Variants in CFAP54 observed in about 807,000 individuals in gnomAD.
CFAP54 encodes the protein cilia- and flagella-associated protein 54.
In CFAP54, 290 loss-of-function variants were observed where a neutral mutation model predicts 370.4. The ratio of observed to expected loss-of-function variants is 0.78; its 90% CI spans 0.71 to 0.86. CFAP54 has a LOEUF of 0.86. Ranked by LOEUF, CFAP54 falls within the 40% of genes least tolerant of loss-of-function variation. The probability of loss-of-function intolerance (pLI) is 0.00; values close to 1 mark genes in which losing one functional copy is unlikely to be tolerated. For missense variants in CFAP54, 3,399 were observed against 3,528.7 expected, an observed-to-expected ratio of 0.96 and a Z score of 0.93; for synonymous variants, 1,206 against 1,236.5, an observed-to-expected ratio of 0.98 and a Z score of 0.52.
intron 48 of CFAP54, among the ~76,000 whole-genome samples, chr12:96,711,289 C>A (rs918060260): frequency 2.0e-5 from 3 of 151,396 alleles, no homozygotes; most frequent in South Asian, 2.1e-4. Context: ...TAATTTGAGT[C>A]TTCTCCCTTT....
chr12:96,666,415 C>T (rs1258966756), intron 39 of CFAP54, among the ~76,000 whole-genome samples: 5 of 152,170 alleles, frequency 3.3e-5, no homozygotes, highest in Non-Finnish European at 7.3e-5. Flanking sequence ...AGTTCTCATG[C>T]TGCTCATAAA....
At chr12:96,603,557 A>C (rs1338613700) in intron 26 of CFAP54, among the ~76,000 whole-genome samples, 3 of 152,216 alleles carry the variant, frequency 2.0e-5, no homozygotes, top group Non-Finnish European at 4.4e-5. Flanking sequence ...GTGTTTTCCA[A>C]CTTCGTTCCA....
At chr12:96,509,684 T>C (rs1004355448) in intron 4 of CFAP54, among the ~76,000 whole-genome samples, 1 of 151,398 alleles carries the variant, frequency 6.6e-6, no homozygotes, top group African/African-American at 2.4e-5. Context: ...GGTGTGGTGG[T>C]GCATGCCTGT....
chr12:96,495,637 A>T (rs1954943913), intron 1 of CFAP54, among the ~76,000 whole-genome samples: 1 of 151,906 alleles, frequency 6.6e-6, no homozygotes, highest in Non-Finnish European at 1.5e-5. Context: ...CTGTTTTAGA[A>T]CATTTTACAT....
Position 96,621,622 on chromosome 12 carries a change from A to G in CFAP54, c.3672A>G (p.Ala1224=). The G allele has an allele frequency of 6.6e-7, 1 of 1,507,402 alleles. No individual in the cohort carries two copies. Among genetic ancestry groups the G allele is most frequent in the Non-Finnish European group, 8.9e-7 (1 of 1,124,316 alleles). 93.4% of individuals were successfully genotyped at this position (1,507,402 alleles called of 1,614,324 possible). The change falls in exon 27 of 68, where the codon GCA becomes GCG. Residue 1224 remains alanine (A), a synonymous_variant. Coordinates refer to ENST00000524981, the MANE Select transcript of CFAP54 (RefSeq NM_001306084.2). ...ILRSWREYDL[A]VMIINYGKKM... Reference sequence around the variant, plus strand: ...GTTCATGGAGGGAATATGACCTGGCAGTAATGATTATAAATTATGGGAAAA... The same window carrying G: ...GTTCATGGAGGGAATATGACCTGGCGGTAATGATTATAAATTATGGGAAAA...
chr12:96,495,462 A>G (rs1371459920), intron 1 of CFAP54, among the ~76,000 whole-genome samples: 1 of 148,904 alleles, frequency 6.7e-6, no homozygotes, highest in Non-Finnish European at 1.5e-5. Context: ...CTATAGGTGC[A>G]TGTCACCACG....
In CFAP54 at chr12:96,580,592, G is replaced by A. The variant is rs958470396; in HGVS notation, c.2797-5G>A. 2.0e-5 allele frequency: 29 copies of A among 1,473,204 alleles called. No homozygotes were observed. Among genetic ancestry groups the A allele is most frequent in the African/African-American group, 1.7e-4 (12 of 70,502 alleles). The allele number at this position is 1,473,204 out of a possible 1,614,324, so 91.3% of individuals were successfully genotyped here. On this transcript the variant is annotated splice_region_variant and splice_polypyrimidine_tract_variant and intron_variant, in intron 20 of 67. Coordinates refer to ENST00000524981, the MANE Select transcript of CFAP54 (RefSeq NM_001306084.2). The stretch of plus-strand genomic sequence containing the variant: ...TTTAAACAGGCTCATTTTTCTCGTC[G>A]GCAGGTCTCCTGGTACTGCATTTTG...
chr12:96,494,007 C>T (rs945632509), intron 1 of CFAP54, among the ~76,000 whole-genome samples: 9 of 152,082 alleles, frequency 5.9e-5, no homozygotes, highest in African/African-American at 1.7e-4. Flanking sequence ...GACTTGCTTT[C>T]GAATGATTGG....
At chr12:96,838,320 C>T (rs182252512) in intron 66 of CFAP54, among the ~76,000 whole-genome samples, 210 of 152,034 alleles carry the variant, frequency 1.4e-3, no homozygotes, top group Non-Finnish European at 1.1e-3. Flanking sequence ...AAAGTCAACT[C>T]AGTTTACAAG....
At chr12:96,503,802 T>C in intron 2 of CFAP54, 84 bp from the exon 3 acceptor site, 1 of 1,185,854 alleles carries the variant, frequency 8.4e-7, no homozygotes, top group East Asian at 2.7e-5. Context: ...ACCTTGATAC[T>C]ATTAGGAATA....
chr12:96,856,960 C>T (rs953790612), intron 66 of CFAP54, among the ~76,000 whole-genome samples: 1 of 152,224 alleles, frequency 6.6e-6, no homozygotes, highest in African/African-American at 2.4e-5. Context: ...ACTCACAGTT[C>T]TGCAGGACTG....
intron 8 of CFAP54, among the ~76,000 whole-genome samples, chr12:96,523,311 G>C (rs1475878425): frequency 6.6e-6 from 1 of 152,218 alleles, no homozygotes; most frequent in Non-Finnish European, 1.5e-5. Flanking sequence ...CACAAAGGCA[G>C]CCGCTGGCAG....
intron 50 of CFAP54, among the ~76,000 whole-genome samples, chr12:96,723,384 A>G (rs1957782586): frequency 6.6e-6 from 1 of 152,164 alleles, no homozygotes; most frequent in Non-Finnish European, 1.5e-5. Context: ...GGGGACTGAG[A>G]AGAAGTGACC....
chr12:96,534,077 G>T lies in CFAP54; in HGVS notation c.1555G>T (p.Glu519Ter). The T allele has an allele frequency of 6.6e-7, 1 of 1,525,568 alleles. No homozygotes were observed. The highest frequency in any genetic ancestry group is 2.5e-5 in the East Asian group (1 of 40,736). The allele number at this position is 1,525,568 out of a possible 1,614,324, so 94.5% of individuals were successfully genotyped here. A position where few individuals can be genotyped will look rare whatever the true frequency, so the allele number is the denominator to read the frequency against. The change falls in exon 11 of 68, where the codon GAG becomes TAG. Residue 519 changes from glutamate (E) to a stop codon, truncating the protein, a stop_gained. Transcript: ENST00000524981. LOFTEE classifies it high-confidence loss of function. The part of the protein sequence containing the change: ...IYFLQRQDDP[E>*]SKKAEKDLTL... ...CTTCCCCAAGAGGCAGGATGATCCA[G>T]AGTCAAAGAAAGCAGAGAAGGATTT...
At chr12:96,828,390 C>T (rs779278543) in intron 65 of CFAP54, among the ~76,000 whole-genome samples, 10 of 152,116 alleles carry the variant, frequency 6.6e-5, no homozygotes, top group African/African-American at 1.4e-4. Context: ...GGTTCTCACT[C>T]GTCTCTATCT....
At chr12:96,869,043 A>T (rs1565768416) in intron 67 of CFAP54, among the ~76,000 whole-genome samples, 1 of 152,204 alleles carries the variant, frequency 6.6e-6, no homozygotes, top group Non-Finnish European at 1.5e-5. Flanking sequence ...CATTTTATAG[A>T]TCATTTCAAG....
intron 50 of CFAP54, among the ~76,000 whole-genome samples, chr12:96,725,840 G>A (rs1957825983): frequency 1.3e-5 from 2 of 151,824 alleles, no homozygotes; most frequent in Non-Finnish European, 2.9e-5. Flanking sequence ...ATTATTTTGA[G>A]ATATGTCCCA....
Position 96,679,708 on chromosome 12 carries a change from G to C in CFAP54, c.5672G>C (p.Arg1891Pro). The C allele has an allele frequency of 6.2e-7, 1 of 1,613,182 alleles. No individual in the cohort carries two copies. Among genetic ancestry groups the C allele is most frequent in the Non-Finnish European group, 8.5e-7 (1 of 1,179,572 alleles). Reference protein sequence around the residue: ...EKSKYHNRSIRHSRKLLSLFL... With the variant: ...EKSKYHNRSIPHSRKLLSLFL... The stretch of plus-strand genomic sequence containing the variant: ...TCCAAATACCATAACAGATCAATCC[G>C]ACACAGCAGAAAGTTGCTTTCATTA... Residue 1891 changes from arginine (R) to proline (P), a missense_variant, in exon 40 of 68, where the codon CGA becomes CCA. Arg to Pro is a moderately radical substitution (Grantham distance 103). Around this residue, in one of 3 missense-constraint regions of CFAP54, gnomAD observed 2,796 missense variants for 2,869.7 expected, o/e 0.97. Transcript: ENST00000524981.
At chr12:96,727,223 G>C (rs1207902443) in intron 50 of CFAP54, among the ~76,000 whole-genome samples, 1 of 151,874 alleles carries the variant, frequency 6.6e-6, no homozygotes, top group Non-Finnish European at 1.5e-5. Context: ...TCAATTCCTG[G>C]GTATCTTTGT....
Sources: gnomAD v4.1 joint callset for allele counts (sites outside exome capture counted in the v4.1 genomes callset) on GRCh38, gnomAD v4.1.1 for gene constraint, gnomAD v4.1.1 regional missense constraint, MANE v1.5 for transcripts, NCBI Gene and HGNC (gene_info 2026-07-23, HGNC 2026-07-21) for gene names.